MAST4: variants seen among roughly 807,000 people sequenced by gnomAD.
MAST4 encodes microtubule associated serine/threonine kinase family member 4.
Under a neutral mutation model 162.7 loss-of-function variants are expected in MAST4, and 89 were observed. The observed-to-expected ratio is 0.55, with a 90% CI of 0.46 to 0.65. The LOEUF (loss-of-function observed/expected upper bound fraction) is 0.65. Among genes scored for constraint, MAST4 ranks in the 30% least tolerant of loss-of-function variants. The probability of loss-of-function intolerance (pLI) is 0.00; values close to 1 mark genes in which losing one functional copy is unlikely to be tolerated. For synonymous variants in MAST4, 1,479 were observed against 1,361.1 expected (o/e 1.09, Z -1.91); for missense variants, 3,153 against 3,374.0 (o/e 0.93, Z 1.62).
At chr5:67,151,888 C>T (rs765352774) in intron 24 of MAST4, among the ~76,000 whole-genome samples, 4 of 151,476 alleles carry the variant, frequency 2.6e-5, no homozygotes, top group Non-Finnish European at 5.9e-5. Context: ...TCACCTCAGT[C>T]TCCCACGTAG....
At chr5:66,626,156 TA>T (rs11344424) in intron 1 of MAST4, among the ~76,000 whole-genome samples, 115,965 of 152,010 alleles carry the variant, frequency 0.76, 44,558 homozygotes, top group African/African-American at 0.81. Context: ...AAGTTTCAGT[TA>T]ACGGTAGATG....
chr5:67,056,370 G>A (rs907100653), intron 5 of MAST4, among the ~76,000 whole-genome samples: 4 of 152,074 alleles, frequency 2.6e-5, no homozygotes, highest in Admixed American at 6.5e-5. Flanking sequence ...AGCACAGTGC[G>A]CAGCAGTGTA....
At chr5:66,703,158 A>G (rs1320682816) in intron 1 of MAST4, among the ~76,000 whole-genome samples, 1 of 152,022 alleles carries the variant, frequency 6.6e-6, no homozygotes, top group Non-Finnish European at 1.5e-5. Flanking sequence ...GGAGGGGAGT[A>G]GGGGGTAGGA....
At chr5:67,156,617 G>T (rs1156603662) in intron 26 of MAST4, among the ~76,000 whole-genome samples, 2 of 152,186 alleles carry the variant, frequency 1.3e-5, no homozygotes, top group African/African-American at 4.8e-5. Flanking sequence ...GATAGTCTAG[G>T]CCAAATGATG....
At chr5:66,597,167 ATAGT>A in intron 1 of MAST4, 149 bp downstream of exon 1, 1 of 1,088,380 alleles carries the variant, frequency 9.2e-7, no homozygotes, top group Non-Finnish European at 1.2e-6. Context: ...CGGGACAACG[ATAGT>A]TAGGAGCCCC....
intron 14 of MAST4, among the ~76,000 whole-genome samples, chr5:67,127,494 T>G (rs1463916712): frequency 6.6e-6 from 1 of 152,226 alleles, no homozygotes; most frequent in Non-Finnish European, 1.5e-5. Context: ...GAGATAATCA[T>G]GTGGTTTTTG....
rs181587267 is a variant in MAST4 at position 67,083,276 on chromosome 5, T to C, written c.764-6886T>C. Reference sequence around the variant, plus strand: ...AACTTAAAAGGAAAAGGAAAACACCTTTGCACATATTTTGCTTCTTCCAGA... The same window carrying C: ...AACTTAAAAGGAAAAGGAAAACACCCTTGCACATATTTTGCTTCTTCCAGA... On this transcript the variant is annotated intron_variant, in intron 5 of 28. Coordinates refer to ENST00000403625, the MANE Select transcript of MAST4 (RefSeq NM_001164664.2). Among the ~76,000 whole-genome samples the C allele has an allele frequency of 2.0e-4, 31 of 152,312 alleles. No individual in the cohort carries two copies. In the East Asian group the frequency reaches 3.7e-3, roughly 18 times the overall value.
At chr5:66,855,856 G>A (rs1422042539) in intron 3 of MAST4, among the ~76,000 whole-genome samples, 1 of 152,142 alleles carries the variant, frequency 6.6e-6, no homozygotes, top group Non-Finnish European at 1.5e-5. Context: ...GAAGAAAAGT[G>A]TGTCTGTTTG....
chr5:66,870,792 G>A (rs1280792425), intron 3 of MAST4: 4 of 471,402 alleles, frequency 8.5e-6, no homozygotes, highest in Middle Eastern at 3.2e-4. Flanking sequence ...GGCAGCCTCC[G>A]AAGAGCCATT....
intron 4 of MAST4, among the ~76,000 whole-genome samples, chr5:67,014,771 G>A (rs1753080470): frequency 6.6e-6 from 1 of 152,150 alleles, no homozygotes; most frequent in South Asian, 2.1e-4. Context: ...GCATAGCCAT[G>A]GCCAAAATGC....
rs561683881 is a variant in MAST4 at position 67,084,860 on chromosome 5, A to G, written c.764-5302A>G. 1.2e-3 allele frequency among the ~76,000 whole-genome samples: 177 copies of G among 152,346 alleles called. 1 individual carries two copies. Among genetic ancestry groups the G allele is most frequent in the African/African-American group, 4.0e-3 (166 of 41,596 alleles). On this transcript the variant is annotated intron_variant, in intron 5 of 28. Coordinates refer to ENST00000403625, the MANE Select transcript of MAST4 (RefSeq NM_001164664.2). The stretch of plus-strand genomic sequence containing the variant: ...AGGGCCATGAAATTCATTATGCACT[A>G]AATAATATGAGATTTAAAAATGTTA...
At chr5:67,060,735 C>T (rs1199634514) in intron 5 of MAST4, among the ~76,000 whole-genome samples, 2 of 152,074 alleles carry the variant, frequency 1.3e-5, no homozygotes, top group Non-Finnish European at 2.9e-5. Context: ...CCTCGGCCTC[C>T]CAAAGTAGGG....
intron 11 of MAST4, 34 bp downstream of exon 11, chr5:67,110,233 T>C: frequency 6.8e-7 from 1 of 1,466,512 alleles, no homozygotes; most frequent in Non-Finnish European, 9.6e-7. Flanking sequence ...ACATTATTTA[T>C]TGTTAACTGG....
rs546529195 is a variant in MAST4 at position 66,852,945 on chromosome 5, A to G, written c.643-47006A>G. 1.2e-3 allele frequency among the ~76,000 whole-genome samples: 187 copies of G among 152,328 alleles called. 1 individual carries two copies. Among genetic ancestry groups the G allele is most frequent in the Non-Finnish European group, 2.0e-3 (137 of 68,032 alleles). On this transcript the variant is annotated intron_variant, in intron 3 of 28. Coordinates refer to ENST00000403625, the MANE Select transcript of MAST4 (RefSeq NM_001164664.2). ...TCCTGTTTGAAAGTGGAAAACAGAAATGACATACTCTTCTCAACAGTGTCA... is the reference window on the plus strand; with the variant it reads ...TCCTGTTTGAAAGTGGAAAACAGAAGTGACATACTCTTCTCAACAGTGTCA...
At position 66,907,162 on chromosome 5, in the gene MAST4, A is replaced by T. The variant is rs1763411228; in HGVS notation, c.674+7180A>T. ...GAAAAATAACTCTCAGCAAAGCGAG[A>T]GAGAGAGAGAGAGAGAGAGAGAGAG... On this transcript the variant is annotated intron_variant, in intron 4 of 28. Transcript: ENST00000403625. Among the ~76,000 whole-genome samples the T allele has an allele frequency of 2.6e-4, 3 of 11,550 alleles. 1 individual carries two copies. The highest frequency in any genetic ancestry group is 2.2e-3 in the Admixed American group (3 of 1,346). 7.6% of individuals were successfully genotyped at this position (11,550 alleles called of 152,430 possible). A position where few individuals can be genotyped will look rare whatever the true frequency, so the allele number is the denominator to read the frequency against.
At chr5:67,124,216 C>G (rs966951507) in intron 14 of MAST4, among the ~76,000 whole-genome samples, 1 of 152,186 alleles carries the variant, frequency 6.6e-6, no homozygotes, top group African/African-American at 2.4e-5. Context: ...TTGGGTTTTC[C>G]TGTTTCACAG....
At chr5:66,825,173 T>C (rs1434884714) in intron 3 of MAST4, among the ~76,000 whole-genome samples, 1 of 152,198 alleles carries the variant, frequency 6.6e-6, no homozygotes, top group Non-Finnish European at 1.5e-5. Context: ...ATGCATTATG[T>C]GGCTGTAGCA....
intron 4 of MAST4, chr5:66,986,626 A>G (rs1291287553): frequency 4.0e-6 from 1 of 252,744 alleles, no homozygotes. Context: ...ATATTTATTT[A>G]TTTATTTATT....
chr5:66,637,648 T>C (rs998277863), intron 1 of MAST4, among the ~76,000 whole-genome samples: 1 of 152,168 alleles, frequency 6.6e-6, no homozygotes, highest in East Asian at 1.9e-4. Context: ...AAATTTTATT[T>C]TTTTTATTTT....
Sources: allele counts gnomAD v4.1 joint callset (sites outside exome capture counted in the v4.1 genomes callset), GRCh38; gene constraint gnomAD v4.1.1; transcripts MANE v1.5; gene names NCBI Gene and HGNC (gene_info 2026-07-23, HGNC 2026-07-21).